Variants in ASH1L observed in about 807,000 individuals in gnomAD.
ASH1L encodes the protein ASH1 like histone lysine methyltransferase, also known as histone-lysine N-methyltransferase ASH1L.
Under a neutral mutation model 269.0 loss-of-function variants are expected in ASH1L, and 23 were observed. That is an observed-to-expected ratio of 0.09 (90% confidence interval 0.06 to 0.12). ASH1L has a LOEUF of 0.12. ASH1L is among the 10% of genes least tolerant of loss of function. The pLI is 1.00. For synonymous variants in ASH1L, 1,187 were observed against 1,253.5 expected (o/e 0.95, Z 1.12); for missense variants, 2,912 against 3,567.8 (o/e 0.82, Z 4.68).
At chr1:155,407,867 G>A (rs1269703348) in intron 6 of ASH1L, among the ~76,000 whole-genome samples, 1 of 152,048 alleles carries the variant, frequency 6.6e-6, no homozygotes, top group South Asian at 2.1e-4. Flanking sequence ...AAAAAAAATT[G>A]TATTTATATT....
rs1379382690 is a variant in ASH1L at position 155,343,133 on chromosome 1, AC to A, written c.8293+180del. The A allele has an allele frequency of 1.7e-6, 1 of 588,086 alleles. No individual in the cohort carries two copies. The highest frequency in any genetic ancestry group is 1.9e-5 in the African/African-American group (1 of 53,296). The allele number at this position is 588,086 out of a possible 1,614,324, so 36.4% of individuals were successfully genotyped here. ...CTCAGCAATCCTCCCAGTAGTTGGG[AC>A]TACAGGCCTACACTGCCATGCCCAG... On this transcript the variant is annotated intron_variant, in intron 24 of 27. Transcript: ENST00000392403. The surrounding 1 kb of genome is among the most constrained non-coding windows in gnomAD (Gnocchi z 6.1).
At chr1:155,354,681 G>A in intron 15 of ASH1L, 51 bp from the exon 16 acceptor site, 2 of 1,552,506 alleles carry the variant, frequency 1.3e-6, no homozygotes, top group South Asian at 1.2e-5. Flanking sequence ...AAATAAGCAT[G>A]TATTACATGT....
chr1:155,518,583 G>C (rs1448237455), intron 2 of ASH1L, among the ~76,000 whole-genome samples: 1 of 147,934 alleles, frequency 6.8e-6, no homozygotes, highest in Non-Finnish European at 1.5e-5. Context: ...CTTCAAAGAA[G>C]ATACACAAAT....
chr1:155,552,714 A>C (rs907727460), intron 1 of ASH1L, among the ~76,000 whole-genome samples: 21 of 152,176 alleles, frequency 1.4e-4, no homozygotes, highest in Non-Finnish European at 1.8e-4. Context: ...TGGAATTCAC[A>C]TGTGAGAAAA....
At chr1:155,560,539 C>G (rs1278551696) in intron 1 of ASH1L, among the ~76,000 whole-genome samples, 1 of 152,168 alleles carries the variant, frequency 6.6e-6, no homozygotes, top group Non-Finnish European at 1.5e-5. Context: ...TTTAATTCCA[C>G]ACCGCCTCCC....
rs554912062 is a variant in ASH1L at position 155,386,582 on chromosome 1, C to T, written c.6104-6466G>A. On this transcript the variant is annotated intron_variant, in intron 7 of 27. Transcript: ENST00000392403. ...TTCTATTTTTTTTTTTTAGTAGAGA[C>T]GGGGTTTCACCATGTTGGCCAGGCT... is the stretch of plus-strand genomic sequence containing the variant. Among the ~76,000 whole-genome samples the T allele has an allele frequency of 2.5e-3, 371 of 149,768 alleles. 4 individuals carry two copies. The highest frequency in any genetic ancestry group is 0.022 in the South Asian group (106 of 4,722).
chr1:155,551,710 C>T (rs1367217087), intron 1 of ASH1L, among the ~76,000 whole-genome samples: 1 of 150,236 alleles, frequency 6.7e-6, no homozygotes, highest in African/African-American at 2.5e-5. Flanking sequence ...TGGCTCACAC[C>T]TGTAATCCCA....
chr1:155,555,064 A>G (rs960439859), intron 1 of ASH1L, among the ~76,000 whole-genome samples: 2 of 149,592 alleles, frequency 1.3e-5, no homozygotes, highest in African/African-American at 4.9e-5. Context: ...AATCGCTTGA[A>G]CTCAGGAGGA....
At chr1:155,433,899 G>A (rs754626597) in intron 5 of ASH1L, 122 of 1,597,922 alleles carry the variant, frequency 7.6e-5, no homozygotes, top group Non-Finnish European at 9.4e-5. Flanking sequence ...ATCGAGAACC[G>A]AGTGAGAGGC....
chr1:155,433,330 A>T, intron 5 of ASH1L: 1 of 1,586,878 alleles, frequency 6.3e-7, no homozygotes, highest in Non-Finnish European at 8.6e-7. Context: ...TCGGGCCGGG[A>T]GTTGGGTCAG....
Position 155,411,586 on chromosome 1 carries a change from A to AATATATATAT in ASH1L, c.6008+4148_6008+4157dup, listed in dbSNP as rs368800129. Among the ~76,000 whole-genome samples the AATATATATAT allele has an allele frequency of 2.8e-3, 152 of 55,134 alleles. 2 individuals are homozygous for AATATATATAT. The highest frequency in any genetic ancestry group is 0.011 in the East Asian group (8 of 730). The allele number at this position is 55,134 out of a possible 152,430, so 36.2% of individuals were successfully genotyped here. A position where few individuals can be genotyped will look rare whatever the true frequency, so the allele number is the denominator to read the frequency against. Reference sequence around the variant, plus strand: ...AAATATGAATATAAATAAATAAATAAATATATATATATATATATATATATA... The same window carrying AATATATATAT: ...AAATATGAATATAAATAAATAAATAAATATATATATATATATATATATATATATATATATA... On this transcript the variant is annotated intron_variant, in intron 6 of 27. Transcript: ENST00000392403.
chr1:155,455,353 T>TA, intron 4 of ASH1L, among the ~76,000 whole-genome samples: 1 of 152,338 alleles, frequency 6.6e-6, no homozygotes, highest in Non-Finnish European at 1.5e-5. Flanking sequence ...ATATGCATAA[T>TA]AAAGACTACA....
intron 3 of ASH1L, among the ~76,000 whole-genome samples, chr1:155,464,134 C>G (rs1664509002): frequency 6.6e-6 from 1 of 152,130 alleles, no homozygotes. Flanking sequence ...TTGCTGTCTC[C>G]ATCATGTGAC....
At chr1:155,352,637 T>C (rs1654033491) in intron 17 of ASH1L, 69 bp downstream of exon 17, 1 of 1,450,956 alleles carries the variant, frequency 6.9e-7, no homozygotes. Context: ...AGACCCTATC[T>C]CTATTTATTT....
At chr1:155,433,184 CG>C in intron 5 of ASH1L, 1 of 1,533,664 alleles carries the variant, frequency 6.5e-7, no homozygotes, top group Non-Finnish European at 8.8e-7. Flanking sequence ...TTCCCCATGG[CG>C]GGACACCTGG....
chr1:155,419,244 A>G (rs1660474486), intron 5 of ASH1L, among the ~76,000 whole-genome samples: 1 of 152,002 alleles, frequency 6.6e-6, no homozygotes, highest in Non-Finnish European at 1.5e-5. Context: ...TTAAAAAAAT[A>G]ATAATAATAA....
rs914550877 is a variant in ASH1L at position 155,459,868 on chromosome 1, T to C, written c.5015A>G (p.Gln1672Arg). The C allele has an allele frequency of 6.2e-7, 1 of 1,611,562 alleles. No homozygotes were observed. Among genetic ancestry groups the C allele is most frequent in the East Asian group, 2.2e-5 (1 of 44,600 alleles). Residue 1672 changes from glutamine (Q) to arginine (R), a missense_variant, in exon 4 of 28, where the codon CAG becomes CGG. By Grantham distance (43) the Gln-to-Arg change is conservative (BLOSUM62 1). This residue lies in a region of ASH1L where 789 missense variants were observed against 897.6 expected (regional missense o/e 0.88). Transcript: ENST00000392403. ...GSQPTSDKPSQRPSESTNCSP... is the reference protein window; with the variant it reads ...GSQPTSDKPSRRPSESTNCSP... ...ACAATTTGTGCTCTCTGATGGCCGC[T>C]GGGAGGGTTTATCAGAGGTTGGCTG...
At chr1:155,467,890 A>G (rs1046994194) in intron 3 of ASH1L, among the ~76,000 whole-genome samples, 2 of 152,190 alleles carry the variant, frequency 1.3e-5, no homozygotes, top group African/African-American at 4.8e-5. Context: ...GATTTACATA[A>G]AAGTTACAAA....
intron 1 of ASH1L, among the ~76,000 whole-genome samples, chr1:155,548,255 C>A (rs1478791363): frequency 6.6e-6 from 1 of 152,152 alleles, no homozygotes; most frequent in African/African-American, 2.4e-5. Flanking sequence ...GATGCAGTGG[C>A]TCACGCCTGT....
Sources: allele counts gnomAD v4.1 joint callset (sites outside exome capture counted in the v4.1 genomes callset), GRCh38; gene constraint gnomAD v4.1.1; regional missense constraint gnomAD v4.1.1; non-coding constraint Gnocchi (gnomAD v3.1); transcripts MANE v1.5; gene names NCBI Gene and HGNC (gene_info 2026-07-23, HGNC 2026-07-21).